MYO6: variants seen among roughly 807,000 people sequenced by gnomAD.
MYO6 encodes unconventional myosin-VI.
In MYO6, 74 loss-of-function variants were observed where a neutral mutation model predicts 178.7. The ratio of observed to expected loss-of-function variants is 0.41; its 90% CI spans 0.34 to 0.50. MYO6 has a LOEUF of 0.50. Ranked by LOEUF, MYO6 falls within the 20% of genes least tolerant of loss-of-function variation. The pLI, the probability that MYO6 is intolerant of heterozygous loss-of-function variation, is 0.09. For missense variants in MYO6, 1,330 were observed against 1,547.4 expected (o/e 0.86, Z 2.36); for synonymous variants, 477 against 504.6 (o/e 0.95, Z 0.73).
chr6:75,858,576 G>A (rs1201685494), intron 13 of MYO6, among the ~76,000 whole-genome samples: 1 of 152,174 alleles, frequency 6.6e-6, no homozygotes, highest in Non-Finnish European at 1.5e-5. Flanking sequence ...CTGCACTCCA[G>A]CCTGTGTGAC....
chr6:75,805,294 A>G (rs953685371), intron 1 of MYO6, among the ~76,000 whole-genome samples: 1 of 151,982 alleles, frequency 6.6e-6, no homozygotes, highest in Non-Finnish European at 1.5e-5. Context: ...TGCGAGCCAC[A>G]GTGCCCGGCC....
At chr6:75,850,090 T>C (rs1775120158) in intron 11 of MYO6, among the ~76,000 whole-genome samples, 1 of 152,036 alleles carries the variant, frequency 6.6e-6, no homozygotes, top group African/African-American at 2.4e-5. Flanking sequence ...ATCCTGGTGT[T>C]AGGAATATTT....
intron 14 of MYO6, among the ~76,000 whole-genome samples, chr6:75,860,018 C>A (rs1044247987): frequency 6.6e-6 from 1 of 152,246 alleles, no homozygotes. Flanking sequence ...GCTCACCTTT[C>A]CCTGTCTGGC....
chr6:75,866,490 G>A (rs1454691976), intron 16 of MYO6, 36 bp from the exon 17 acceptor site: 1 of 1,453,430 alleles, frequency 6.9e-7, no homozygotes, highest in Admixed American at 1.7e-5. Context: ...ATATATTTTT[G>A]ATCATTTAAT....
chr6:75,892,103 A>G (rs900267595), intron 27 of MYO6, among the ~76,000 whole-genome samples: 7 of 152,236 alleles, frequency 4.6e-5, no homozygotes, highest in Non-Finnish European at 8.8e-5. Flanking sequence ...TAGTTTTTAA[A>G]AAGTCCCATG....
Position 75,844,933 on chromosome 6 carries a change from A to G in MYO6, c.853A>G (p.Lys285Glu). Residue 285 changes from lysine (K) to glutamate (E), a missense_variant, in exon 10 of 35, where the codon AAA (lysine) becomes GAA (glutamate). Lys to Glu is a moderately conservative substitution (Grantham distance 56). Coordinates refer to ENST00000369977, the MANE Select transcript of MYO6 (RefSeq NM_004999.4). Reference protein sequence around the residue: ...NRGCTRYFANKETDKQILQNR... With the variant: ...NRGCTRYFANEETDKQILQNR... ...AGGCTGCACTAGATACTTTGCTAAC[A>G]AAGAAACTGACAAACAGATTTTACA... is the stretch of plus-strand genomic sequence containing the variant. 6.2e-7 allele frequency: 1 copy of G among 1,613,534 alleles called. No individual in the cohort carries two copies. Among genetic ancestry groups the G allele is most frequent in the Non-Finnish European group, 8.5e-7 (1 of 1,179,624 alleles).
At chr6:75,776,744 C>T (rs1467328740) in intron 1 of MYO6, among the ~76,000 whole-genome samples, 2 of 151,828 alleles carry the variant, frequency 1.3e-5, no homozygotes, top group Non-Finnish European at 2.9e-5. Flanking sequence ...AATTCCTGGC[C>T]TCAAGCAATG....
rs1781046374 is a variant in MYO6, at chr6:75,915,010, T to C, written c.3856T>C (p.Ter1286GlnextTer16). 6.2e-7 allele frequency: 1 copy of C among 1,611,686 alleles called. No individual in the cohort carries two copies. Among genetic ancestry groups the C allele is most frequent in the South Asian group, 1.1e-5 (1 of 90,784 alleles). The change falls in exon 35 of 35, where the codon TAG becomes CAG. Residue 1286 changes from the stop codon to glutamine (Q), a stop_lost. Coordinates refer to ENST00000369977, the MANE Select transcript of MYO6 (RefSeq NM_004999.4). ...ATAMLQSLLK[*>Q] ...AGCCATGCTGCAGAGTCTGTTAAAG[T>C]AGATGTTGCACACCAGCCTTACAGC...
intron 20 of MYO6, among the ~76,000 whole-genome samples, chr6:75,877,269 C>T (rs553707343): frequency 5.1e-4 from 75 of 148,340 alleles, no homozygotes; most frequent in South Asian, 8.7e-4. Context: ...CACCGCGCCT[C>T]GTCTTTTTTT....
In MYO6 at chr6:75,835,961, T is replaced by G; in HGVS notation, c.553+5T>G. ...TTGATGACAGAATTGTTGAAGGTAT[T>G]GCTAATTTTTCAGTTGTTACGCGTG... On this transcript the variant is annotated splice_donor_5th_base_variant and intron_variant, in intron 7 of 34. Coordinates refer to ENST00000369977, the MANE Select transcript of MYO6 (RefSeq NM_004999.4). 6.3e-7 allele frequency: 1 copy of G among 1,598,782 alleles called. No homozygotes were observed. The highest frequency in any genetic ancestry group is 2.2e-5 in the East Asian group (1 of 44,764).
At chr6:75,913,806 G>T (rs1472810908) in intron 33 of MYO6, among the ~76,000 whole-genome samples, 1 of 152,096 alleles carries the variant, frequency 6.6e-6, no homozygotes, top group African/African-American at 2.4e-5. Context: ...GGGGTTTGTT[G>T]CTGGTAGTGG....
chr6:75,907,118 A>T (rs1412857073), intron 30 of MYO6, among the ~76,000 whole-genome samples: 1 of 152,184 alleles, frequency 6.6e-6, no homozygotes, highest in East Asian at 1.9e-4. Flanking sequence ...ATTCTGAGCC[A>T]CTGTGTGTGA....
chr6:75,866,027 C>T (rs1301357368), intron 16 of MYO6, among the ~76,000 whole-genome samples: 1 of 152,098 alleles, frequency 6.6e-6, no homozygotes, highest in Non-Finnish European at 1.5e-5. Flanking sequence ...ATCTTCCTCC[C>T]TCAGCCTTGT....
intron 1 of MYO6, among the ~76,000 whole-genome samples, chr6:75,793,442 A>G (rs1208615734): frequency 1.3e-5 from 2 of 152,044 alleles, no homozygotes; most frequent in Admixed American, 1.3e-4. Flanking sequence ...TGTTTCTACT[A>G]AAAATACAAA....
rs936817640 is a variant in MYO6, at chr6:75,877,779, T to TA, written c.2078-2031dup. Among the ~76,000 whole-genome samples, 18 of 149,878 alleles carry TA rather than the reference T, an allele frequency of 1.2e-4. No individual in the cohort carries two copies. In the South Asian group the frequency reaches 1.3e-3, roughly 11 times the overall value. On this transcript the variant is annotated intron_variant, in intron 20 of 34. Transcript: ENST00000369977. ...AAGGCAGAGTATTTGCCTTAGTGGTTAAAAAAAAAATTTAAGCTTCAAAAC... is the reference window on the plus strand; with the variant it reads ...AAGGCAGAGTATTTGCCTTAGTGGTTAAAAAAAAAAATTTAAGCTTCAAAAC...
At chr6:75,904,744 C>T (rs974536609) in intron 30 of MYO6, among the ~76,000 whole-genome samples, 25 of 152,224 alleles carry the variant, frequency 1.6e-4, no homozygotes, top group African/African-American at 3.1e-4. Flanking sequence ...AGTCATTCTC[C>T]GTCCAGCTTT....
intron 1 of MYO6, among the ~76,000 whole-genome samples, chr6:75,815,960 C>T (rs556633536): frequency 1.3e-5 from 2 of 152,298 alleles, no homozygotes; most frequent in African/African-American, 2.4e-5. Flanking sequence ...CATCCAGGCT[C>T]ATTAAAACAA....
chr6:75,871,368 G>C (rs931387703), intron 19 of MYO6, among the ~76,000 whole-genome samples: 1 of 152,124 alleles, frequency 6.6e-6, no homozygotes, highest in Non-Finnish European at 1.5e-5. Flanking sequence ...TCCCACCTCA[G>C]CCTCCCAACT....
chr6:75,853,132 T>C (rs926573205), intron 11 of MYO6, among the ~76,000 whole-genome samples: 18 of 152,226 alleles, frequency 1.2e-4, no homozygotes, highest in African/African-American at 4.3e-4. Context: ...CATTTGTATA[T>C]CTTTTTTGGA....
Sources: gnomAD v4.1 joint callset for allele counts (sites outside exome capture counted in the v4.1 genomes callset) on GRCh38, gnomAD v4.1.1 for gene constraint, MANE v1.5 for transcripts, NCBI Gene and HGNC (gene_info 2026-07-23, HGNC 2026-07-21) for gene names.